The following ACSBG1 variants were observed in gnomAD, a reference collection of about 807,000 sequenced individuals.
ACSBG1 encodes the protein acyl-CoA synthetase bubblegum family member 1, also known as long-chain-fatty-acid--CoA ligase ACSBG1.
ACSBG1 carries 39 observed loss-of-function variants against 80.2 expected under a neutral mutation model. That is an observed-to-expected ratio of 0.49 (90% confidence interval 0.38 to 0.64). The LOEUF is 0.64. Among genes scored for constraint, ACSBG1 ranks in the 30% least tolerant of loss-of-function variants. The pLI, the probability that ACSBG1 is intolerant of heterozygous loss-of-function variation, is 0.00. For synonymous variants in ACSBG1, 392 were observed against 379.5 expected, an observed-to-expected ratio of 1.03 and a Z score of -0.38; for missense variants, 828 against 966.4, an observed-to-expected ratio of 0.86 and a Z score of 1.90.
At position 78,171,479 on chromosome 15, in the gene ACSBG1, T is replaced by C. The variant is rs775401161; in HGVS notation, c.2140A>G (p.Ile714Val). 1 of 1,614,184 alleles carries C rather than the reference T, an allele frequency of 6.2e-7. No individual in the cohort carries two copies. Among genetic ancestry groups the C allele is most frequent in the Non-Finnish European group, 8.5e-7 (1 of 1,180,004 alleles). Residue 714 changes from isoleucine (I) to valine (V), a missense_variant, in exon 14 of 14, where the codon ATC becomes GTC. Physicochemically the swap from Ile to Val is conservative, Grantham distance 29. This residue lies in a region of ACSBG1 where 201 missense variants were observed against 227.0 expected (regional missense o/e 0.89). Coordinates refer to ENST00000258873, the MANE Select transcript of ACSBG1 (RefSeq NM_015162.5). The part of the protein sequence containing the change: ...RLTVLEKYKG[I>V]IDSFYQEQKM Reference sequence around the variant, plus strand: ...TGCTCTTGGTAAAAGGAGTCAATGATACCTTTGTACTTCTCCAAAACTGTG... The same window carrying C: ...TGCTCTTGGTAAAAGGAGTCAATGACACCTTTGTACTTCTCCAAAACTGTG...
At chr15:78,223,309 G>T (rs2075374077) in intron 1 of ACSBG1, among the ~76,000 whole-genome samples, 1 of 152,120 alleles carries the variant, frequency 6.6e-6, no homozygotes, top group Non-Finnish European at 1.5e-5. Context: ...AAAACCATCA[G>T]GAAAAATAGC....
rs2074796847 is a variant in ACSBG1, at chr15:78,169,811, CT to C, written c.*1632del. The stretch of plus-strand genomic sequence containing the variant: ...ATGAGTTGTCACAGCCTCTGAGCCC[CT>C]GATCTGAAGCCAGAAGGGCTGAGTG... On this transcript the variant is annotated 3_prime_UTR_variant, in exon 14 of 14. Transcript: ENST00000258873. 6.6e-6 allele frequency: 1 copy of C among 152,224 alleles called. No individual in the cohort carries two copies. Among genetic ancestry groups the C allele is most frequent in the South Asian group, 2.1e-4 (1 of 4,828 alleles). The allele number at this position is 152,224 out of a possible 1,614,324, so 9.4% of individuals were successfully genotyped here.
intron 2 of ACSBG1, among the ~76,000 whole-genome samples, chr15:78,198,640 G>C (rs1416562478): frequency 2.0e-5 from 3 of 152,236 alleles, no homozygotes; most frequent in Admixed American, 1.3e-4. Context: ...GAGCCACCGT[G>C]CCTGGCCTAT....
At chr15:78,230,251 C>T (rs1309597019) in intron 1 of ACSBG1, among the ~76,000 whole-genome samples, 1 of 152,222 alleles carries the variant, frequency 6.6e-6, no homozygotes, top group Non-Finnish European at 1.5e-5. Flanking sequence ...GGTTTTGCCT[C>T]TCCTGGCCCT....
At chr15:78,186,415 T>C (rs1429791041) in intron 5 of ACSBG1, among the ~76,000 whole-genome samples, 1 of 152,168 alleles carries the variant, frequency 6.6e-6, no homozygotes, top group Non-Finnish European at 1.5e-5. Flanking sequence ...ACTGACCACG[T>C]AGTTGGAAGT....
intron 5 of ACSBG1, among the ~76,000 whole-genome samples, chr15:78,189,005 G>T (rs2075032589): frequency 6.6e-6 from 1 of 150,766 alleles, no homozygotes; most frequent in South Asian, 2.1e-4. Flanking sequence ...CAAAAAGTGG[G>T]CGAAGGACAT....
At chr15:78,224,536 G>A (rs754692315) in intron 1 of ACSBG1, among the ~76,000 whole-genome samples, 15 of 151,986 alleles carry the variant, frequency 9.9e-5, no homozygotes, top group South Asian at 2.1e-4. Flanking sequence ...TGGCTAACAC[G>A]GTGAAACCCT....
In ACSBG1 at chr15:78,208,330, C is replaced by G. The variant is rs561449176; in HGVS notation, c.132-228G>C. On this transcript the variant is annotated intron_variant, in intron 1 of 13. Coordinates refer to ENST00000258873, the MANE Select transcript of ACSBG1 (RefSeq NM_015162.5). The stretch of plus-strand genomic sequence containing the variant: ...TGCCCCCACCCAGCCTCCCTCCAGG[C>G]TCTAAGGGCTCAGGAGAAAGGGAAT... Among the ~76,000 whole-genome samples, 9 of 152,244 alleles carry G rather than the reference C, an allele frequency of 5.9e-5. No homozygotes were observed. The South Asian group carries it at 1.7e-3, about 28-fold the overall frequency.
rs1030155164 is a variant in ACSBG1, at chr15:78,177,603, G to T, written c.1702+1011C>A. Among the ~76,000 whole-genome samples, 5 of 152,104 alleles carry T rather than the reference G, an allele frequency of 3.3e-5. No homozygotes were observed. The highest frequency in any genetic ancestry group is 2.1e-4 in the South Asian group (1 of 4,822). On this transcript the variant is annotated intron_variant, in intron 11 of 13. Coordinates refer to ENST00000258873, the MANE Select transcript of ACSBG1 (RefSeq NM_015162.5). The surrounding 1 kb of genome is among the most constrained non-coding windows in gnomAD (Gnocchi z 4.1). ...CCAAGCAGTCACCTGTTGCTCCCGG[G>T]GTCTCACTGGAGGGTACCTCCAGGG...
Position 78,181,981 on chromosome 15 carries a change from G to A in ACSBG1, c.1059C>T (p.Pro353=), listed in dbSNP as rs1175583439. 5.0e-6 allele frequency: 8 copies of A among 1,613,926 alleles called. No homozygotes were observed. Among genetic ancestry groups the A allele is most frequent in the East Asian group, 2.2e-5 (1 of 44,882 alleles). Residue 353 remains proline (P), a synonymous_variant, in exon 8 of 14, where the codon CCC becomes CCT. Transcript: ENST00000258873. The stretch of plus-strand genomic sequence containing the variant: ...AAGGCAGACTGACCTTCAGGGCGTC[G>A]GGTTCGGCAAAGCAAACCTGGGCCC... ...QWGAQVCFAE[P]DALKGSLVNT...
chr15:78,211,316 G>A (rs910037938), intron 1 of ACSBG1, among the ~76,000 whole-genome samples: 1 of 152,236 alleles, frequency 6.6e-6, no homozygotes, highest in African/African-American at 2.4e-5. Flanking sequence ...CTGTCATTCT[G>A]GAAAATTATG....
In ACSBG1 at chr15:78,173,685, C is replaced by T. The variant is rs142706102; in HGVS notation, c.1997G>A (p.Arg666Gln). Residue 666 changes from arginine to glutamine, a missense_variant, in exon 13 of 14, where the codon CGG becomes CAG. Arg to Gln is a conservative substitution (Grantham distance 43, BLOSUM62 1). Coordinates refer to ENST00000258873, the MANE Select transcript of ACSBG1 (RefSeq NM_015162.5). ...GGCCGCCGCGTTCATGTTGACCCTC[C>T]GGATCCCCTCTTCGATGGCCTGGTA... ...AVYQAIEEGI[R>Q]RVNMNAAARP... 22 of 1,614,124 alleles carry T rather than the reference C, an allele frequency of 1.4e-5. No homozygotes were observed. Among genetic ancestry groups the T allele is most frequent in the East Asian group, 1.1e-4 (5 of 44,898 alleles).
chr15:78,214,583 G>A (rs577170248), intron 1 of ACSBG1, among the ~76,000 whole-genome samples: 1 of 152,090 alleles, frequency 6.6e-6, no homozygotes, highest in Admixed American at 6.5e-5. Context: ...GGGATTATAG[G>A]TGTGCACCAC....
At chr15:78,212,307 G>A (rs562773371) in intron 1 of ACSBG1, among the ~76,000 whole-genome samples, 1 of 152,292 alleles carries the variant, frequency 6.6e-6, no homozygotes, top group South Asian at 2.1e-4. Flanking sequence ...ACTGCAAGGA[G>A]AAGGTGATAT....
intron 1 of ACSBG1, chr15:78,226,511 C>A: frequency 6.0e-6 from 1 of 165,938 alleles, no homozygotes; most frequent in South Asian, 1.3e-4. Context: ...GTGGCTCCAG[C>A]CTGTTCATCC....
chr15:78,194,158 T>TG (rs1567086712), intron 3 of ACSBG1, 138 bp from the exon 4 acceptor site: 2 of 822,676 alleles, frequency 2.4e-6, no homozygotes, highest in African/African-American at 3.4e-5. Flanking sequence ...AGAATCCCCT[T>TG]GGAGGAGAAG....
chr15:78,182,003 G>A lies in ACSBG1; in HGVS notation c.1037C>T (p.Ala346Val). 1 of 1,614,078 alleles carries A rather than the reference G, an allele frequency of 6.2e-7. No homozygotes were observed. Among genetic ancestry groups the A allele is most frequent in the Non-Finnish European group, 8.5e-7 (1 of 1,180,010 alleles). ...GTCGGGTTCGGCAAAGCAAACCTGG[G>A]CCCCCCACTGGATGCCTGTCCACAG... is the stretch of plus-strand genomic sequence containing the variant. Reference protein sequence around the residue: ...YDLWTGIQWGAQVCFAEPDAL... With the variant: ...YDLWTGIQWGVQVCFAEPDAL... Residue 346 changes from alanine to valine, a missense_variant, in exon 8 of 14, where the codon GCC (alanine) becomes GTC (valine). Around this residue, in one of 3 missense-constraint regions of ACSBG1, gnomAD observed 271 missense variants for 375.9 expected, o/e 0.72. Transcript: ENST00000258873.
chr15:78,222,945 G>A (rs2075370465), intron 1 of ACSBG1, among the ~76,000 whole-genome samples: 1 of 152,166 alleles, frequency 6.6e-6, no homozygotes, highest in South Asian at 2.1e-4. Flanking sequence ...AAACTGCTGA[G>A]GTGGCTTGAA....
intron 2 of ACSBG1, among the ~76,000 whole-genome samples, chr15:78,204,862 T>C (rs142383691): frequency 6.6e-5 from 10 of 152,194 alleles, no homozygotes; most frequent in Non-Finnish European, 1.2e-4. Context: ...CTTGCAACAT[T>C]TGGGAAGGGT....
Sources: gnomAD v4.1 joint callset for allele counts (sites outside exome capture counted in the v4.1 genomes callset) on GRCh38, gnomAD v4.1.1 for gene constraint, gnomAD v4.1.1 regional missense constraint, Gnocchi (gnomAD v3.1) non-coding constraint, MANE v1.5 for transcripts, NCBI Gene and HGNC (gene_info 2026-07-23, HGNC 2026-07-21) for gene names.